CCSER1: variants seen among roughly 807,000 people sequenced by gnomAD.
The protein encoded by CCSER1 is serine-rich coiled-coil domain-containing protein 1.
CCSER1 carries 41 observed loss-of-function variants against 82.0 expected under a neutral mutation model. The ratio of observed to expected loss-of-function variants is 0.50; its 90% CI spans 0.39 to 0.65. CCSER1 has a LOEUF of 0.65. Ranked by LOEUF, CCSER1 falls within the 30% of genes least tolerant of loss-of-function variation. The pLI is 0.00. For missense variants in CCSER1, 1,119 were observed against 1,064.2 expected (o/e 1.05, Z -0.72); for synonymous variants, 414 against 383.9 (o/e 1.08, Z -0.92).
chr4:90,157,130 T>C (rs1728380235), intron 1 of CCSER1, among the ~76,000 whole-genome samples: 4 of 152,210 alleles, frequency 2.6e-5, no homozygotes, highest in South Asian at 4.1e-4. Context: ...CCCTCACTTA[T>C]GAAACTTAGT....
chr4:91,405,083 A>G (rs1031128447), intron 10 of CCSER1, among the ~76,000 whole-genome samples: 2 of 152,106 alleles, frequency 1.3e-5, no homozygotes, highest in Admixed American at 1.3e-4. Context: ...GTGCTTCTGT[A>G]TTGTGTGCAT....
rs1353561588 is a variant in CCSER1 at position 90,849,504 on chromosome 4, A to G, written c.2094+33659A>G. On this transcript the variant is annotated intron_variant, in intron 8 of 10. Transcript: ENST00000509176. ...GCTGAAGATGCAATAGAAAAGAAAAACCCGGCCAGGTGTGGTGACTCATGC... is the reference window on the plus strand; with the variant it reads ...GCTGAAGATGCAATAGAAAAGAAAAGCCCGGCCAGGTGTGGTGACTCATGC... 2.6e-5 allele frequency among the ~76,000 whole-genome samples: 4 copies of G among 151,834 alleles called. No homozygotes were observed. The East Asian group carries it at 7.7e-4, about 29-fold the overall frequency.
At chr4:91,325,312 C>G (rs753537073) in intron 10 of CCSER1, 1 of 374,198 alleles carries the variant, frequency 2.7e-6, no homozygotes, top group Non-Finnish European at 5.2e-6. Context: ...AGAAGCTTTA[C>G]TTGGAAAATG....
chr4:90,347,613 C>T, intron 3 of CCSER1, among the ~76,000 whole-genome samples: 1 of 152,156 alleles, frequency 6.6e-6, no homozygotes, highest in East Asian at 1.9e-4. Context: ...ATGTCCCCTA[C>T]ATTTTACTCT....
chr4:90,206,788 T>C (rs924224297), intron 1 of CCSER1, among the ~76,000 whole-genome samples: 4 of 90,558 alleles, frequency 4.4e-5, no homozygotes, highest in African/African-American at 2.6e-4. Context: ...AATATTAAAG[T>C]CTCCCACTAT....
chr4:91,421,648 G>A (rs780151337), intron 10 of CCSER1, among the ~76,000 whole-genome samples: 4 of 152,010 alleles, frequency 2.6e-5, no homozygotes, highest in Non-Finnish European at 4.4e-5. Context: ...TCAAGTTGAC[G>A]CATAAAATAA....
At chr4:91,474,322 A>G (rs1000695742) in intron 10 of CCSER1, among the ~76,000 whole-genome samples, 4 of 152,028 alleles carry the variant, frequency 2.6e-5, no homozygotes, top group African/African-American at 9.7e-5. Flanking sequence ...TAGGAAATAA[A>G]AATGAATTAA....
intron 8 of CCSER1, among the ~76,000 whole-genome samples, chr4:90,895,398 T>C (rs575116972): frequency 6.6e-6 from 1 of 152,064 alleles, no homozygotes; most frequent in African/African-American, 2.4e-5. Context: ...TATAATTAAC[T>C]TCTGTATTAA....
At chr4:90,898,262 A>T (rs1262032470) in intron 8 of CCSER1, among the ~76,000 whole-genome samples, 1 of 95,860 alleles carries the variant, frequency 1.0e-5, no homozygotes, top group African/African-American at 3.6e-5. Flanking sequence ...TTAAATCTTT[A>T]ATCCATCTTT....
chr4:91,386,719 T>C (rs909152920), intron 10 of CCSER1, among the ~76,000 whole-genome samples: 1 of 152,058 alleles, frequency 6.6e-6, no homozygotes, highest in Non-Finnish European at 1.5e-5. Context: ...AGCAATGAAC[T>C]TTGTTTCTGC....
At chr4:91,221,303 T>C (rs2149100013) in intron 10 of CCSER1, among the ~76,000 whole-genome samples, 1 of 152,304 alleles carries the variant, frequency 6.6e-6, no homozygotes, top group East Asian at 1.9e-4. Flanking sequence ...GTAAATGCTA[T>C]TTTACTATAA....
chr4:90,846,262 A>G (rs1276712361), intron 8 of CCSER1, among the ~76,000 whole-genome samples: 1 of 152,210 alleles, frequency 6.6e-6, no homozygotes, highest in Non-Finnish European at 1.5e-5. Context: ...GTGAGAGTTA[A>G]ATTACTCCAT....
At chr4:91,089,895 C>T (rs1017744108) in intron 10 of CCSER1, among the ~76,000 whole-genome samples, 4 of 152,122 alleles carry the variant, frequency 2.6e-5, no homozygotes, top group Admixed American at 6.6e-5. Context: ...TTAAATTTTC[C>T]ACAAACTCCT....
chr4:90,529,328 C>A (rs1192458587), intron 5 of CCSER1, among the ~76,000 whole-genome samples: 1 of 152,098 alleles, frequency 6.6e-6, no homozygotes, highest in Non-Finnish European at 1.5e-5. Flanking sequence ...AATTCTCATT[C>A]CACAACCTCT....
At chr4:90,438,135 A>G (rs1759314648) in intron 4 of CCSER1, among the ~76,000 whole-genome samples, 1 of 152,172 alleles carries the variant, frequency 6.6e-6, no homozygotes, top group Non-Finnish European at 1.5e-5. Context: ...AATACATTTC[A>G]GGTGTTATAT....
chr4:90,310,386 C>CT (rs1442788348), intron 2 of CCSER1, among the ~76,000 whole-genome samples: 1 of 151,868 alleles, frequency 6.6e-6, no homozygotes, highest in Non-Finnish European at 1.5e-5. Flanking sequence ...ATTTTAATTC[C>CT]TTTTTCTCTA....
intron 10 of CCSER1, among the ~76,000 whole-genome samples, chr4:91,356,989 C>G (rs1386441770): frequency 6.6e-6 from 1 of 152,112 alleles, no homozygotes; most frequent in African/African-American, 2.4e-5. Flanking sequence ...GCCAACCTGC[C>G]ATGTGCACAA....
intron 5 of CCSER1, among the ~76,000 whole-genome samples, chr4:90,562,797 C>T (rs148845179): frequency 0.012 from 1,844 of 150,280 alleles, 38 homozygotes; most frequent in African/African-American, 0.043. Flanking sequence ...CTTGGCTTCC[C>T]AAAGTGCTAG....
chr4:90,554,272 G>C (rs989830026), intron 5 of CCSER1, among the ~76,000 whole-genome samples: 1 of 152,198 alleles, frequency 6.6e-6, no homozygotes, highest in Middle Eastern at 3.2e-3. Flanking sequence ...GCTGAGGTGG[G>C]AAGATGGCTT....
Sources: allele counts gnomAD v4.1 joint callset (sites outside exome capture counted in the v4.1 genomes callset), GRCh38; gene constraint gnomAD v4.1.1; transcripts MANE v1.5; gene names NCBI Gene and HGNC (gene_info 2026-07-23, HGNC 2026-07-21).